The following PEX5 variants were observed in gnomAD, a reference collection of about 807,000 sequenced individuals.
PEX5 encodes the protein peroxisomal biogenesis factor 5, also known as PTS1 receptor.
PEX5 carries 52 observed loss-of-function variants against 82.9 expected under a neutral mutation model. That is an observed-to-expected ratio of 0.63 (90% confidence interval 0.50 to 0.79). PEX5 has a LOEUF of 0.79. Ranked by LOEUF, PEX5 falls within the 30% of genes least tolerant of loss-of-function variation. The probability of loss-of-function intolerance (pLI) is 0.00; values close to 1 mark genes in which losing one functional copy is unlikely to be tolerated. For synonymous variants in PEX5, 300 were observed against 318.8 expected (o/e 0.94, Z 0.63); for missense variants, 719 against 815.2 (o/e 0.88, Z 1.44).
Position 7,191,618 on chromosome 12 carries a change from T to G in PEX5, c.366T>G (p.Phe122Leu), listed in dbSNP as rs1941143300. ...TGTCTGAGAACTGGGCCCAGGAGTT[T>G]CTTGCAGCTGGAGATGCTGTGGATG... ...LALSENWAQEFLAAGDAVDVT... is the reference protein window; with the variant it reads ...LALSENWAQELLAAGDAVDVT... The change falls in exon 5 of 16, where the codon TTT becomes TTG. Residue 122 changes from phenylalanine to leucine, a missense_variant. Transcript: ENST00000675855. 6.2e-7 allele frequency: 1 copy of G among 1,613,952 alleles called. No individual in the cohort carries two copies. Among genetic ancestry groups the G allele is most frequent in the South Asian group, 1.1e-5 (1 of 91,078 alleles).
intron 5 of PEX5, among the ~76,000 whole-genome samples, chr12:7,195,812 G>A (rs914773341): frequency 2.0e-5 from 3 of 151,018 alleles, no homozygotes; most frequent in African/African-American, 7.3e-5. Flanking sequence ...TGGAACTAAG[G>A]AACTAGGAGA....
rs1942734335 is a variant in PEX5, at chr12:7,197,242, T to TTATGTCATATATAATGTAATAATTA, written c.449-1766_449-1765insGTCATATATAATGTAATAATTATAT. Among the ~76,000 whole-genome samples, 5 of 10,676 alleles carry TTATGTCATATATAATGTAATAATTA rather than the reference T, an allele frequency of 4.7e-4. 1 individual carries two copies. Among genetic ancestry groups the TTATGTCATATATAATGTAATAATTA allele is most frequent in the Admixed American group, 1.5e-3 (1 of 678 alleles). 7.0% of individuals were successfully genotyped at this position (10,676 alleles called of 152,430 possible). A position where few individuals can be genotyped will look rare whatever the true frequency, so the allele number is the denominator to read the frequency against. ...TAATTATATATGTCATATGTAATAA[T>TTATGTCATATATAATGTAATAATTA]TATATGTCATATGTAATAATTATAT... is the stretch of plus-strand genomic sequence containing the variant. On this transcript the variant is annotated intron_variant, in intron 5 of 15. Coordinates refer to ENST00000675855, the MANE Select transcript of PEX5 (RefSeq NM_001351132.2).
chr12:7,199,394 G>T (rs1168094954), intron 6 of PEX5, among the ~76,000 whole-genome samples: 3 of 148,900 alleles, frequency 2.0e-5, no homozygotes, highest in Non-Finnish European at 4.5e-5. Flanking sequence ...AGATTAGGGA[G>T]TGGTGATGAC....
intron 5 of PEX5, among the ~76,000 whole-genome samples, chr12:7,198,806 G>C (rs1393483753): frequency 6.6e-6 from 1 of 152,150 alleles, no homozygotes; most frequent in African/African-American, 2.4e-5. Flanking sequence ...TTCTGCCCCA[G>C]GCTCCTTGAG....
Position 7,191,641 on chromosome 12 carries a change from A to G in PEX5, c.389A>G (p.Asp130Gly), listed in dbSNP as rs1185380956. The change falls in exon 5 of 16, where the codon GAT becomes GGT. Residue 130 changes from aspartate (D) to glycine (G), a missense_variant. Asp to Gly is a moderately conservative substitution (Grantham distance 94). Transcript: ENST00000675855. Reference sequence around the variant, plus strand: ...TTTCTTGCAGCTGGAGATGCTGTGGATGTAACTCAGGATTATAATGAGACT... The same window carrying G: ...TTTCTTGCAGCTGGAGATGCTGTGGGTGTAACTCAGGATTATAATGAGACT... ...QEFLAAGDAV[D>G]VTQDYNETDW... 6.2e-7 allele frequency: 1 copy of G among 1,613,580 alleles called. No homozygotes were observed. Among genetic ancestry groups the G allele is most frequent in the Non-Finnish European group, 8.5e-7 (1 of 1,179,640 alleles).
At chr12:7,200,334 C>T (rs1171601647) in intron 6 of PEX5, among the ~76,000 whole-genome samples, 3 of 151,362 alleles carry the variant, frequency 2.0e-5, no homozygotes, top group East Asian at 1.9e-4. Context: ...GATGGGATGG[C>T]GGCTGGGAAG....
Position 7,190,937 on chromosome 12 carries a change from T to A in PEX5, c.183+14T>A. The A allele has an allele frequency of 1.9e-6, 3 of 1,609,970 alleles. No homozygotes were observed. The highest frequency in any genetic ancestry group is 2.6e-6 in the Non-Finnish European group (3 of 1,176,242). On this transcript the variant is annotated intron_variant, in intron 3 of 15. Transcript: ENST00000675855. ...TCTGAAGATGAGGTAAATAGACCAG[T>A]CTCTTTTCTGTCCCATTTTTCTCTT...
At chr12:7,197,252 T>TA (rs1555175989) in intron 5 of PEX5, among the ~76,000 whole-genome samples, 35 of 15,404 alleles carry the variant, frequency 2.3e-3, no homozygotes, top group Admixed American at 5.5e-3. Flanking sequence ...TTATATGTCA[T>TA]ATGTAATAAT....
chr12:7,202,243 C>A lies in PEX5; in HGVS notation c.645C>A (p.Phe215Leu), dbSNP rs1944168456. 1 of 1,614,012 alleles carries A rather than the reference C, an allele frequency of 6.2e-7. No homozygotes were observed. Among genetic ancestry groups the A allele is most frequent in the African/African-American group, 1.3e-5 (1 of 75,006 alleles). ...CTGTGTGTGTCTCTGTGCCCCAGTT[C>A]CTGAAATTCGTGCGGCAGATTGGCG... ...VDDPKLANSEFLKFVRQIGEG... is the reference protein window; with the variant it reads ...VDDPKLANSELLKFVRQIGEG... The change falls in exon 8 of 16, where the codon TTC becomes TTA. Residue 215 changes from phenylalanine (F) to leucine (L), a missense_variant and splice_region_variant. By Grantham distance (22) the Phe-to-Leu change is conservative. Transcript: ENST00000675855.
chr12:7,198,435 A>G (rs886476311), intron 5 of PEX5, among the ~76,000 whole-genome samples: 2 of 152,230 alleles, frequency 1.3e-5, no homozygotes, highest in Non-Finnish European at 2.9e-5. Flanking sequence ...CAATTAAAAA[A>G]TGAAAAAACC....
chr12:7,202,772 A>C, intron 9 of PEX5, 68 bp downstream of exon 9: 1 of 1,046,990 alleles, frequency 9.6e-7, no homozygotes, highest in Non-Finnish European at 1.5e-6. Flanking sequence ...TGGGTGTATG[A>C]ACATCAAAGA....
intron 6 of PEX5, 96 bp downstream of exon 6, chr12:7,199,209 CTTTTTTTTTT>C: frequency 7.6e-6 from 3 of 396,380 alleles, no homozygotes; most frequent in Non-Finnish European, 1.4e-5. Context: ...TTACTTTATT[CTTTTTTTTTT>C]TTTTTTTTAT....
intron 14 of PEX5, among the ~76,000 whole-genome samples, 200 bp downstream of exon 14, chr12:7,209,370 T>G (rs144156932): frequency 9.2e-5 from 14 of 152,150 alleles, no homozygotes; most frequent in East Asian, 7.7e-4. Context: ...CAAAAAAGAA[T>G]AATTTGTTCA....
At chr12:7,209,582 CA>C in intron 14 of PEX5, 100 bp from the exon 15 acceptor site, 1 of 121,710 alleles carries the variant, frequency 8.2e-6, no homozygotes, top group Non-Finnish European at 1.4e-5. Context: ...AGTAGTGAAA[CA>C]GCTGGAGTAA....
Position 7,191,683 on chromosome 12 carries a change from T to G in PEX5, c.431T>G (p.Phe144Cys), listed in dbSNP as rs1175995959. ...AATGAGACTGACTGGTCCCAAGAATTCATCTCTGAAGTTACAGGTGAAACT... is the reference window on the plus strand; with the variant it reads ...AATGAGACTGACTGGTCCCAAGAATGCATCTCTGAAGTTACAGGTGAAACT... ...DYNETDWSQE[F>C]ISEVTDPLSV... Residue 144 changes from phenylalanine to cysteine, a missense_variant, in exon 5 of 16, where the codon TTC becomes TGC. Transcript: ENST00000675855. 4 of 1,613,782 alleles carry G rather than the reference T, an allele frequency of 2.5e-6. No homozygotes were observed. Among genetic ancestry groups the G allele is most frequent in the East Asian group, 2.2e-5 (1 of 44,894 alleles).
chr12:7,208,664 G>A lies in PEX5; in HGVS notation c.1389G>A (p.Leu463=), dbSNP rs1291772938. ...GCAAGCGTATCCTGGGATCTCTCTT[G>A]TCTGAGTGAGTATGAGGGGTTCCTA... ...GPSKRILGSL[L]SDSLFLEVKE... The change falls in exon 13 of 16, where the codon TTG becomes TTA. Residue 463 remains leucine, a synonymous_variant. Transcript: ENST00000675855. The A allele has an allele frequency of 6.2e-7, 1 of 1,610,932 alleles. No homozygotes were observed. Among genetic ancestry groups the A allele is most frequent in the Non-Finnish European group, 8.5e-7 (1 of 1,177,352 alleles).
At chr12:7,215,921 C>A (rs117181443), downstream of PEX5, among the ~76,000 whole-genome samples, 1 of 151,764 alleles carries the variant, frequency 6.6e-6, no homozygotes, top group African/African-American at 2.4e-5. Flanking sequence ...TTTACAAAGA[C>A]GCGATTTAAA....
At chr12:7,217,300 TC>T (rs1029397465) in intron 17 of PEX5, among the ~76,000 whole-genome samples, 2 of 152,212 alleles carry the variant, frequency 1.3e-5, no homozygotes, top group African/African-American at 4.8e-5. Context: ...TAAAAACCAC[TC>T]CAAAATTTAG....
chr12:7,215,117 A>G (rs1457754882), downstream of PEX5, among the ~76,000 whole-genome samples: 1 of 152,232 alleles, frequency 6.6e-6, no homozygotes, highest in Non-Finnish European at 1.5e-5. Flanking sequence ...GACACTTTTC[A>G]AAATAAGACA....
Sources: gnomAD v4.1 joint callset for allele counts (sites outside exome capture counted in the v4.1 genomes callset) on GRCh38, gnomAD v4.1.1 for gene constraint, MANE v1.5 for transcripts, NCBI Gene and HGNC (gene_info 2026-07-23, HGNC 2026-07-21) for gene names.